The following EML5 variants were observed in gnomAD, a reference collection of about 807,000 sequenced individuals.
EML5 encodes the protein EMAP like 5.
In EML5, 120 loss-of-function variants were observed where a neutral mutation model predicts 250.0. The ratio of observed to expected loss-of-function variants is 0.48; its 90% confidence interval spans 0.41 to 0.56. The LOEUF is 0.56. Among genes scored for constraint, EML5 ranks in the 20% least tolerant of loss-of-function variants. EML5 has a pLI of 0.00. For missense variants in EML5, 2,006 were observed against 2,437.6 expected (o/e 0.82, Z 3.73); for synonymous variants, 771 against 806.5 (o/e 0.96, Z 0.75).
intron 17 of EML5, 60 bp from the exon 18 acceptor site, chr14:88,688,533 G>A: frequency 2.6e-6 from 4 of 1,540,802 alleles, no homozygotes; most frequent in Non-Finnish European, 3.6e-6. Flanking sequence ...TTATAAAGAA[G>A]CAAAGTTTCT....
chr14:88,733,211 T>C (rs1162945760), intron 7 of EML5, among the ~76,000 whole-genome samples: 1 of 152,216 alleles, frequency 6.6e-6, no homozygotes, highest in Admixed American at 6.5e-5. Context: ...CGTTGGACTA[T>C]CCTCCTTTGG....
At chr14:88,657,784 C>A (rs973205834) in intron 26 of EML5, among the ~76,000 whole-genome samples, 1 of 151,730 alleles carries the variant, frequency 6.6e-6, no homozygotes, top group African/African-American at 2.4e-5. Flanking sequence ...TAGGATATAC[C>A]CCAAATATTA....
chr14:88,625,052 C>G lies in EML5; in HGVS notation c.4816G>C (p.Ala1606Pro). 1 of 1,613,030 alleles carries G rather than the reference C, an allele frequency of 6.2e-7. No individual in the cohort carries two copies. The highest frequency in any genetic ancestry group is 8.5e-7 in the Non-Finnish European group (1 of 1,179,558). The change falls in exon 36 of 44, where the codon GCG (alanine) becomes CCG (proline). Residue 1606 changes from alanine to proline, a missense_variant. Around this residue, in one of 7 missense-constraint regions of EML5, gnomAD observed 405 missense variants for 523.3 expected, o/e 0.77. Coordinates refer to ENST00000554922, the MANE Select transcript of EML5 (RefSeq NM_183387.3). ...AACACAGGCCCGTTGTGAGCTCTCG[C>G]CACGATTCTACACAATATGTGATCT... is the stretch of plus-strand genomic sequence containing the variant. ...WKDHILCRIVARAHNGPVFAM... is the reference protein window; with the variant it reads ...WKDHILCRIVPRAHNGPVFAM...
chr14:88,754,500 A>T lies in EML5; in HGVS notation c.357+12T>A, dbSNP rs756726821. 63 of 1,564,620 alleles carry T rather than the reference A, an allele frequency of 4.0e-5. No individual in the cohort carries two copies. Among genetic ancestry groups the T allele is most frequent in the Non-Finnish European group, 5.1e-5 (59 of 1,163,218 alleles). On this transcript the variant is annotated intron_variant, in intron 2 of 43. Transcript: ENST00000554922. Reference sequence around the variant, plus strand: ...CATACAATTTAGAAAAAAATGAAAAACTGTCACATACCTGTCCATCTAAGT... The same window carrying T: ...CATACAATTTAGAAAAAAATGAAAATCTGTCACATACCTGTCCATCTAAGT...
intron 1 of EML5, among the ~76,000 whole-genome samples, chr14:88,778,504 G>A (rs917750166): frequency 6.6e-6 from 1 of 152,228 alleles, no homozygotes; most frequent in Non-Finnish European, 1.5e-5. Context: ...TAAGTGGCTG[G>A]GTGTGGTGGC....
intron 27 of EML5, among the ~76,000 whole-genome samples, chr14:88,654,419 G>T (rs2091780078): frequency 6.6e-6 from 1 of 152,140 alleles, no homozygotes; most frequent in Non-Finnish European, 1.5e-5. Context: ...GGCATTTAGT[G>T]CTATACATTT....
intron 33 of EML5, among the ~76,000 whole-genome samples, chr14:88,628,674 C>T (rs1006372289): frequency 2.0e-4 from 31 of 151,950 alleles, no homozygotes; most frequent in African/African-American, 7.0e-4. Flanking sequence ...AATAGAGAAA[C>T]ATTAAGACAA....
At chr14:88,698,264 CCTTT>C (rs1416054428) in intron 14 of EML5, among the ~76,000 whole-genome samples, 4 of 93,072 alleles carry the variant, frequency 4.3e-5, no homozygotes, top group Non-Finnish European at 7.6e-5. Context: ...TCTCCAGTTT[CCTTT>C]TTTTTTTTTT....
chr14:88,748,212 C>T (rs1235279372), intron 2 of EML5, among the ~76,000 whole-genome samples: 1 of 152,144 alleles, frequency 6.6e-6, no homozygotes, highest in Non-Finnish European at 1.5e-5. Context: ...ATATTAATCT[C>T]TGCATGCATA....
In EML5 at chr14:88,788,900, A is replaced by G. The variant is rs903054398; in HGVS notation, c.197+3407T>C. Reference sequence around the variant, plus strand: ...CATACAGAGACCCCATCTTTACCGAAAAAAAAAAAAAAATAGCCCAGCATC... The same window carrying G: ...CATACAGAGACCCCATCTTTACCGAGAAAAAAAAAAAAATAGCCCAGCATC... On this transcript the variant is annotated intron_variant, in intron 1 of 43. Transcript: ENST00000554922. 2.5e-4 allele frequency among the ~76,000 whole-genome samples: 6 copies of G among 24,476 alleles called. No homozygotes were observed. The East Asian group carries it at 0.15, about 600-fold the overall frequency. The allele number at this position is 24,476 out of a possible 152,430, so 16.1% of individuals were successfully genotyped here.
chr14:88,657,440 T>A lies in EML5; in HGVS notation c.3940A>T (p.Asn1314Tyr). ...TTGATTCCTAACATTGGGCGAATAT[T>A]TGTTGATAAGGCTCTGATGGTGTAA... ...ISYTIRALST[N>Y]IRPMLGIKPH... Residue 1314 changes from asparagine to tyrosine, a missense_variant, in exon 27 of 44, where the codon AAT becomes TAT. Physicochemically the swap from Asn to Tyr is moderately radical, Grantham distance 143. This residue lies in a region of EML5 where 1,375 missense variants were observed against 1,590.3 expected (regional missense o/e 0.86). Coordinates refer to ENST00000554922, the MANE Select transcript of EML5 (RefSeq NM_183387.3). The A allele has an allele frequency of 6.2e-7, 1 of 1,604,304 alleles. No individual in the cohort carries two copies. The highest frequency in any genetic ancestry group is 8.5e-7 in the Non-Finnish European group (1 of 1,174,914).
chr14:88,675,540 C>G (rs2092575166), intron 21 of EML5, among the ~76,000 whole-genome samples: 1 of 152,210 alleles, frequency 6.6e-6, no homozygotes, highest in South Asian at 2.1e-4. Context: ...ACAAAACCAT[C>G]TTTTCCTCCT....
At chr14:88,773,565 G>C (rs1460424868) in intron 1 of EML5, among the ~76,000 whole-genome samples, 1 of 152,164 alleles carries the variant, frequency 6.6e-6, no homozygotes, top group African/African-American at 2.4e-5. Context: ...ATCCAGAGCA[G>C]TGGTTTTCAA....
chr14:88,657,466 C>A lies in EML5; in HGVS notation c.3914G>T (p.Ser1305Ile), dbSNP rs777569937. ...DSDVTRENEI[S>I]YTIRALSTNI... ...TGTTGATAAGGCTCTGATGGTGTAA[C>A]TGATTTCATTCTCCCTTGTAACATC... is the stretch of plus-strand genomic sequence containing the variant. Residue 1305 changes from serine (S) to isoleucine (I), a missense_variant, in exon 27 of 44, where the codon AGT becomes ATT. Physicochemically the swap from Ser to Ile is moderately radical, Grantham distance 142. This residue lies in a region of EML5 where 1,375 missense variants were observed against 1,590.3 expected (regional missense o/e 0.86). Transcript: ENST00000554922. The A allele has an allele frequency of 1.1e-5, 18 of 1,606,564 alleles. No individual in the cohort carries two copies. The South Asian group carries it at 2.0e-4, about 18-fold the overall frequency.
At chr14:88,659,330 C>T (rs1287679) in intron 25 of EML5, among the ~76,000 whole-genome samples, 8,899 of 151,928 alleles carry the variant, frequency 0.059, 691 homozygotes, top group African/African-American at 0.17. Context: ...TCTACCTCAG[C>T]CTCCCAAGTA....
chr14:88,644,720 A>T (rs561123927), intron 29 of EML5: 10 of 449,058 alleles, frequency 2.2e-5, no homozygotes, highest in Non-Finnish European at 2.4e-5. Flanking sequence ...ATTTTATTTT[A>T]TTTTTTTTGA....
Position 88,680,280 on chromosome 14 carries a change from T to C in EML5, c.3124+1610A>G, listed in dbSNP as rs532472933. ...CAAAAACTCTCCAAACAGCATATTGTCATTTTCTTCTAGTATTACAACCAT... is the reference window on the plus strand; with the variant it reads ...CAAAAACTCTCCAAACAGCATATTGCCATTTTCTTCTAGTATTACAACCAT... On this transcript the variant is annotated intron_variant, in intron 21 of 43. Transcript: ENST00000554922. 5.9e-5 allele frequency among the ~76,000 whole-genome samples: 9 copies of C among 152,298 alleles called. No homozygotes were observed. In the East Asian group the frequency reaches 1.2e-3, roughly 20 times the overall value.
chr14:88,688,531 A>G lies in EML5; in HGVS notation c.2540-58T>C, dbSNP rs577324490. ...TTTCAAAATGTACTCAATTATAAAGAAGCAAAGTTTCTTTTCTACTGTTGT... is the reference window on the plus strand; with the variant it reads ...TTTCAAAATGTACTCAATTATAAAGGAGCAAAGTTTCTTTTCTACTGTTGT... On this transcript the variant is annotated intron_variant, in intron 17 of 43. Coordinates refer to ENST00000554922, the MANE Select transcript of EML5 (RefSeq NM_183387.3). 133 of 1,559,482 alleles carry G rather than the reference A, an allele frequency of 8.5e-5. 1 individual carries two copies. The South Asian group carries it at 1.4e-3, about 16-fold the overall frequency.
intron 39 of EML5, chr14:88,619,079 T>C (rs1246510010): frequency 1.6e-5 from 4 of 248,316 alleles, no homozygotes; most frequent in East Asian, 8.5e-5. Flanking sequence ...AAAAAAACTT[T>C]CTTAGGCCAG....
Sources: gnomAD v4.1 joint callset for allele counts (sites outside exome capture counted in the v4.1 genomes callset) on GRCh38, gnomAD v4.1.1 for gene constraint, gnomAD v4.1.1 regional missense constraint, MANE v1.5 for transcripts, NCBI Gene and HGNC (gene_info 2026-07-23, HGNC 2026-07-21) for gene names.